The following SERGEF variants were observed in gnomAD, a reference collection of about 807,000 sequenced individuals.
SERGEF encodes secretion-regulating guanine nucleotide exchange factor.
SERGEF carries 51 observed loss-of-function variants against 50.0 expected under a neutral mutation model. The ratio of observed to expected loss-of-function variants is 1.02; its 90% CI spans 0.81 to 1.29. SERGEF has a LOEUF of 1.29. Among genes scored for constraint, SERGEF ranks in the 50% most tolerant of loss-of-function variants. The pLI, the probability that SERGEF is intolerant of heterozygous loss-of-function variation, is 0.00. For synonymous variants in SERGEF, 205 were observed against 212.4 expected (o/e 0.97, Z 0.30); for missense variants, 521 against 557.0 (o/e 0.94, Z 0.65).
At chr11:17,846,602 G>C (rs1428528439) in intron 10 of SERGEF, 2 of 435,928 alleles carry the variant, frequency 4.6e-6, no homozygotes, top group Non-Finnish European at 9.4e-6. Flanking sequence ...ATGGTTTGAT[G>C]GTCTGGTCAT....
chr11:17,866,423 A>G (rs2525888), intron 10 of SERGEF, among the ~76,000 whole-genome samples: 5,249 of 152,310 alleles, frequency 0.034, 273 homozygotes, highest in African/African-American at 0.11. Context: ...CTAGGTGTGT[A>G]CTAGGCTATA....
At chr11:17,868,336 T>C (rs966835291) in intron 10 of SERGEF, among the ~76,000 whole-genome samples, 11 of 152,196 alleles carry the variant, frequency 7.2e-5, no homozygotes, top group African/African-American at 2.7e-4. Context: ...AGAGGCAAAA[T>C]GCCACCAGTC....
At chr11:17,913,178 G>A (rs1851985540) in intron 9 of SERGEF, among the ~76,000 whole-genome samples, 1 of 152,224 alleles carries the variant, frequency 6.6e-6, no homozygotes, top group Admixed American at 6.5e-5. Flanking sequence ...CTGGCCAAGG[G>A]CAGGCAGTCC....
intron 10 of SERGEF, among the ~76,000 whole-genome samples, chr11:17,826,112 CAT>C (rs796895515): frequency 6.6e-6 from 1 of 152,210 alleles, no homozygotes; most frequent in South Asian, 2.1e-4. Flanking sequence ...CAAAAGCCTA[CAT>C]ATAAGGGCCT....
At chr11:17,865,928 C>T (rs187606227) in intron 10 of SERGEF, among the ~76,000 whole-genome samples, 2 of 152,320 alleles carry the variant, frequency 1.3e-5, no homozygotes, top group East Asian at 3.9e-4. Context: ...CACTCACTCA[C>T]TGACTCACCC....
At chr11:17,946,493 A>G (rs2133960301) in intron 9 of SERGEF, among the ~76,000 whole-genome samples, 1 of 152,280 alleles carries the variant, frequency 6.6e-6, no homozygotes, top group Middle Eastern at 3.4e-3. Context: ...CTGATGAGGG[A>G]GGCTGTGGCC....
intron 10 of SERGEF, among the ~76,000 whole-genome samples, chr11:17,803,783 A>G (rs1231370540): frequency 2.6e-5 from 4 of 152,036 alleles, no homozygotes; most frequent in African/African-American, 9.7e-5. Flanking sequence ...ACATGGCAAA[A>G]TTGTGTCATC....
intron 9 of SERGEF, among the ~76,000 whole-genome samples, chr11:17,890,911 G>A (rs1277862863): frequency 6.6e-6 from 1 of 152,136 alleles, no homozygotes; most frequent in African/African-American, 2.4e-5. Flanking sequence ...GGTTCCCACT[G>A]GCTAAATATA....
intron 8 of SERGEF, among the ~76,000 whole-genome samples, chr11:17,986,603 G>A (rs1392025631): frequency 1.3e-5 from 2 of 152,206 alleles, no homozygotes; most frequent in East Asian, 3.9e-4. Context: ...GCATCAGCTA[G>A]AATGCTTCAA....
chr11:17,871,020 C>T (rs1475947806), intron 10 of SERGEF, among the ~76,000 whole-genome samples: 3 of 152,042 alleles, frequency 2.0e-5, no homozygotes, highest in Non-Finnish European at 4.4e-5. Flanking sequence ...TTTAAAAAAA[C>T]TAACTTGAGA....
chr11:17,880,535 C>G (rs1233620545), intron 9 of SERGEF, among the ~76,000 whole-genome samples: 1 of 151,820 alleles, frequency 6.6e-6, no homozygotes, highest in African/African-American at 2.4e-5. Flanking sequence ...GATCTCAACT[C>G]TATAATAAAG....
intron 9 of SERGEF, among the ~76,000 whole-genome samples, chr11:17,926,465 C>G (rs1334487716): frequency 6.6e-6 from 1 of 152,188 alleles, no homozygotes; most frequent in Admixed American, 6.5e-5. Context: ...CCTGGCTCCA[C>G]GTCCACACCA....
intron 6 of SERGEF, 23 bp from the exon 7 acceptor site, chr11:17,993,016 C>A: frequency 6.2e-7 from 1 of 1,605,206 alleles, no homozygotes; most frequent in African/African-American, 1.3e-5. Flanking sequence ...AAATGTTCTT[C>A]TGAATTACAT....
chr11:17,908,817 C>G (rs930772497), intron 9 of SERGEF, among the ~76,000 whole-genome samples: 1 of 152,112 alleles, frequency 6.6e-6, no homozygotes, highest in Non-Finnish European at 1.5e-5. Context: ...AACAACAAAT[C>G]TGACAGTAGA....
chr11:17,956,643 C>T (rs899363131), intron 9 of SERGEF, among the ~76,000 whole-genome samples: 1 of 152,170 alleles, frequency 6.6e-6, no homozygotes, highest in African/African-American at 2.4e-5. Flanking sequence ...GCTTGGCTAT[C>T]CTTCTGGACC....
intron 8 of SERGEF, among the ~76,000 whole-genome samples, chr11:17,981,813 CTCTT>C (rs1853500983): frequency 6.6e-6 from 1 of 151,088 alleles, no homozygotes; most frequent in Non-Finnish European, 1.5e-5. Context: ...CTTTTTTTTT[CTCTT>C]TGAGACAGGG....
intron 10 of SERGEF, among the ~76,000 whole-genome samples, chr11:17,822,338 G>A (rs1433908532): frequency 1.3e-5 from 2 of 152,178 alleles, no homozygotes; most frequent in Non-Finnish European, 2.9e-5. Flanking sequence ...ATTTAGAACT[G>A]GCAGTTTGAG....
intron 9 of SERGEF, among the ~76,000 whole-genome samples, chr11:17,901,856 G>T (rs769389799): frequency 2.0e-5 from 3 of 152,156 alleles, no homozygotes; most frequent in Non-Finnish European, 4.4e-5. Context: ...CCACCACTCT[G>T]CGTCTAGCAC....
intron 9 of SERGEF, among the ~76,000 whole-genome samples, chr11:17,923,910 CTT>C (rs1006431610): frequency 3.9e-5 from 6 of 152,194 alleles, no homozygotes; most frequent in African/African-American, 7.2e-5. Flanking sequence ...TCATACTGAA[CTT>C]TATATCTACA....
Sources: allele counts gnomAD v4.1 joint callset (sites outside exome capture counted in the v4.1 genomes callset), GRCh38; gene constraint gnomAD v4.1.1; transcripts MANE v1.5; gene names NCBI Gene and HGNC (gene_info 2026-07-23, HGNC 2026-07-21).